The following TTN variants were observed in gnomAD, a reference collection of about 807,000 sequenced individuals.
TTN encodes the protein connectin.
A neutral mutation model predicts 3,223.0 loss-of-function variants in TTN; 1,525 were observed. That is an observed-to-expected ratio of 0.47 (90% CI 0.45 to 0.49). The LOEUF (loss-of-function observed/expected upper bound fraction) is 0.49, where lower values mean the gene tolerates loss of function less well. Ranked by LOEUF, TTN falls within the 20% of genes least tolerant of loss-of-function variation. The probability of loss-of-function intolerance (pLI) is 0.00; values close to 1 mark genes in which losing one functional copy is unlikely to be tolerated. For missense variants in TTN, 40,786 were observed against 43,424.0 expected (o/e 0.94, Z 5.40); for synonymous variants, 14,094 against 15,161.0 (o/e 0.93, Z 5.17).
intron 240 of TTN, among the ~76,000 whole-genome samples, chr2:178,627,404 A>G (rs906823942): frequency 1.3e-5 from 2 of 152,030 alleles, no homozygotes; most frequent in African/African-American, 4.8e-5. Context: ...TGACAAGAGC[A>G]AGTTTGTTCT....
Position 178,531,186 on chromosome 2 carries a change from G to A in TTN, c.105429C>T (p.Gly35143=), listed in dbSNP as rs368591364. ...TKPRSMTVYE[G]ESARFSCDTD... ...TGTCACAAGAAAACCTTGCAGACTC[G>A]CCCTCGTAGACGGTCATGGACCGTG... is the stretch of plus-strand genomic sequence containing the variant. The change falls in exon 358 of 363, where the codon GGC becomes GGT. Residue 35143 remains glycine, a synonymous_variant. Coordinates refer to ENST00000589042, the MANE Select transcript of TTN (RefSeq NM_001267550.2). 15 of 1,613,804 alleles carry A rather than the reference G, an allele frequency of 9.3e-6. No homozygotes were observed. Among genetic ancestry groups the A allele is most frequent in the Admixed American group, 8.3e-5 (5 of 59,990 alleles).
rs772058084 is a variant in TTN at position 178,559,881 on chromosome 2, C to A, written c.86251G>T (p.Glu28751Ter). Residue 28751 changes from glutamate (E) to a stop codon, truncating the protein, a stop_gained, in exon 326 of 363, where the codon GAA becomes TAA. Transcript: ENST00000589042. LOFTEE classifies it high-confidence loss of function. Reference sequence around the variant, plus strand: ...TCACTGTCAATATCAAATAAAGGTTCTTCTTCTCTTTCCTTTGCTATCTGA... The same window carrying A: ...TCACTGTCAATATCAAATAAAGGTTATTCTTCTCTTTCCTTTGCTATCTGA... Reference protein sequence around the residue: ...DPQIAKEREEEPLFDIDSEMR... With the variant: ...DPQIAKEREE The A allele has an allele frequency of 6.2e-7, 1 of 1,612,822 alleles. No homozygotes were observed. The highest frequency in any genetic ancestry group is 1.7e-4 in the Middle Eastern group (1 of 6,056).
At chr2:178,757,416 A>C in intron 45 of TTN, 126 bp downstream of exon 45, 3 of 1,216,692 alleles carry the variant, frequency 2.5e-6, no homozygotes, top group Non-Finnish European at 3.2e-6. Flanking sequence ...ATTGCATGTT[A>C]TTTTATTAGT....
At position 178,609,250 on chromosome 2, in the gene TTN, C is replaced by A; in HGVS notation, c.52060G>T (p.Asp17354Tyr). The change falls in exon 273 of 363, where the codon GAC becomes TAC. Residue 17354 changes from aspartate to tyrosine, a missense_variant. Transcript: ENST00000589042. ...CAAGGAGCTTTTGCAATACCGTGGT[C>A]ATTTTCAACTTTGATCATATACAGA... Reference protein sequence around the residue: ...HGLYMIKVENDHGIAKAPCTV... With the variant: ...HGLYMIKVENYHGIAKAPCTV... 6.5e-7 allele frequency: 1 copy of A among 1,534,450 alleles called. No homozygotes were observed. Among genetic ancestry groups the A allele is most frequent in the South Asian group, 1.3e-5 (1 of 75,156 alleles).
rs1396694565 is a variant in TTN, at chr2:178,795,055, C to G, written c.1112G>C (p.Arg371Thr). Residue 371 changes from arginine to threonine, a missense_variant, in exon 7 of 363, where the codon AGG becomes ACG. Arg to Thr is a moderately conservative substitution (Grantham distance 71). Coordinates refer to ENST00000589042, the MANE Select transcript of TTN (RefSeq NM_001267550.2). Reference sequence around the variant, plus strand: ...TCTCCCTTCCCATCTCTCTTCTGTCCTGATCTGAGTAGAGGTTGTCAGCGT... The same window carrying G: ...TCTCCCTTCCCATCTCTCTTCTGTCGTGATCTGAGTAGAGGTTGTCAGCGT... ...ETTLTTSTQI[R>T]TEERWEGRYG... is the part of the protein sequence containing the mutation. 6.2e-7 allele frequency: 1 copy of G among 1,613,782 alleles called. No individual in the cohort carries two copies.
In TTN at chr2:178,721,511, G is replaced by A. The variant is rs151337969; in HGVS notation, c.22817-309C>T. Among the ~76,000 whole-genome samples the A allele has an allele frequency of 2.0e-5, 3 of 151,858 alleles. No individual in the cohort carries two copies. In the East Asian group the frequency reaches 5.8e-4, roughly 29 times the overall value. ...TGTAAGTTAAAACATAAAAGTTAAT[G>A]TATTATAGATGTATTTGATCAACAT... On this transcript the variant is annotated intron_variant, in intron 78 of 362. Coordinates refer to ENST00000589042, the MANE Select transcript of TTN (RefSeq NM_001267550.2).
rs192528655 is a variant in TTN, at chr2:178,652,905, G to A, written c.38902C>T (p.Pro12968Ser). 1,367 of 1,609,202 alleles carry A rather than the reference G, an allele frequency of 8.5e-4. 10 individuals are homozygous for A. Among genetic ancestry groups the A allele is most frequent in the South Asian group, 4.1e-3 (374 of 90,424 alleles). ...GGAGCCAAGGGCATTTTCTTTTCAG[G>A]AACAACCTCTATGGGAGCCTCTGGC... ...KVPEAPIEVV[P>S]EKKMPLAPPK... The change falls in exon 200 of 363, where the codon CCT (proline) becomes TCT (serine). Residue 12968 changes from proline to serine, a missense_variant. Pro to Ser is a moderately conservative substitution (Grantham distance 74). Coordinates refer to ENST00000589042, the MANE Select transcript of TTN (RefSeq NM_001267550.2).
rs1393067684 is a variant in TTN, at chr2:178,775,776, G to C, written c.6088C>G (p.Leu2030Val). The C allele has an allele frequency of 6.2e-7, 1 of 1,613,676 alleles. No homozygotes were observed. Among genetic ancestry groups the C allele is most frequent in the African/African-American group, 1.3e-5 (1 of 74,938 alleles). Residue 2030 changes from leucine to valine, a missense_variant, in exon 28 of 363, where the codon CTC becomes GTC. Leu to Val is a conservative substitution (Grantham distance 32, BLOSUM62 1). Coordinates refer to ENST00000589042, the MANE Select transcript of TTN (RefSeq NM_001267550.2). ...SRKKDESYEE[L>V]LRKTKDELLH... ...AGTTCATCTTTTGTCTTCCTGAGGA[G>C]TTCCTCATAGGATTCATCCTTCTTT...
At chr2:178,789,576 T>C (rs2093379311) in intron 12 of TTN, 79 bp from the exon 13 acceptor site, 2 of 1,555,524 alleles carry the variant, frequency 1.3e-6, no homozygotes, top group South Asian at 2.2e-5. Flanking sequence ...CCCTTCCTCA[T>C]GGGGATGCAA....
At chr2:178,619,136 ATGTTT>A (rs201614626) in intron 250 of TTN, 6 of 452,616 alleles carry the variant, frequency 1.3e-5, no homozygotes, top group East Asian at 1.3e-4. Context: ...AGTGCAAAAC[ATGTTT>A]TGTTTTGTTT....
Position 178,680,071 on chromosome 2 carries a change from C to G in TTN, c.33419-16G>C. ...ACTTCTGGCACTTTAAAGATATTAT[C>G]TTTAAGTTGGACATTTGCCAATGAC... On this transcript the variant is annotated splice_polypyrimidine_tract_variant and intron_variant, in intron 139 of 362. Transcript: ENST00000589042. 1 of 1,609,854 alleles carries G rather than the reference C, an allele frequency of 6.2e-7. No homozygotes were observed. The highest frequency in any genetic ancestry group is 8.5e-7 in the Non-Finnish European group (1 of 1,178,706).
At position 178,579,135 on chromosome 2, in the gene TTN, T is replaced by C; in HGVS notation, c.67895A>G (p.Lys22632Arg). The stretch of plus-strand genomic sequence containing the variant: ...AACCTTTATGGAGATAGTTCCTTCC[T>C]TGGTGCCAGCAACATTCTTAAGTGT... ...TITLKNVAGT[K>R]EGTISIKVVG... Residue 22632 changes from lysine to arginine, a missense_variant, in exon 320 of 363, where the codon AAG becomes AGG. Physicochemically the swap from Lys to Arg is conservative, Grantham distance 26. Coordinates refer to ENST00000589042, the MANE Select transcript of TTN (RefSeq NM_001267550.2). 1 of 1,613,436 alleles carries C rather than the reference T, an allele frequency of 6.2e-7. No individual in the cohort carries two copies. Among genetic ancestry groups the C allele is most frequent in the Non-Finnish European group, 8.5e-7 (1 of 1,179,552 alleles).
Position 178,608,624 on chromosome 2 carries a change from C to T in TTN, c.52387G>A (p.Val17463Met). 1 of 1,610,958 alleles carries T rather than the reference C, an allele frequency of 6.2e-7. No individual in the cohort carries two copies. Among genetic ancestry groups the T allele is most frequent in the Non-Finnish European group, 8.5e-7 (1 of 1,178,632 alleles). Reference protein sequence around the residue: ...PGPPCVSKPLVAKDPFGPPDA... With the variant: ...PGPPCVSKPLMAKDPFGPPDA... Reference sequence around the variant, plus strand: ...AACTTACCAAATGGATCTTTAGCCACAAGTGGCTTTGAAACACATGGTGGA... The same window carrying T: ...AACTTACCAAATGGATCTTTAGCCATAAGTGGCTTTGAAACACATGGTGGA... The change falls in exon 274 of 363, where the codon GTG (valine) becomes ATG (methionine). Residue 17463 changes from valine (V) to methionine (M), a missense_variant. Physicochemically the swap from Val to Met is conservative, Grantham distance 21 (BLOSUM62 1). Coordinates refer to ENST00000589042, the MANE Select transcript of TTN (RefSeq NM_001267550.2).
At position 178,751,285 on chromosome 2, in the gene TTN, T is replaced by C. The variant is rs1371902748; in HGVS notation, c.11311+1839A>G. ...CCATTAATGTTTTTCTAGCCTCCCTTAAACGTTGCAACTTCACTTTGGTCT... is the reference window on the plus strand; with the variant it reads ...CCATTAATGTTTTTCTAGCCTCCCTCAAACGTTGCAACTTCACTTTGGTCT... On this transcript the variant is annotated intron_variant, in intron 47 of 362. Transcript: ENST00000589042. 1.9e-6 allele frequency: 3 copies of C among 1,611,384 alleles called. No homozygotes were observed. The highest frequency in any genetic ancestry group is 2.2e-5 in the East Asian group (1 of 44,806).
chr2:178,737,956 T>C lies in TTN; in HGVS notation c.14371+126A>G, dbSNP rs11900655. 229 of 1,212,546 alleles carry C rather than the reference T, an allele frequency of 1.9e-4. 4 individuals carry two copies. In the African/African-American group the frequency reaches 2.5e-3, roughly 13 times the overall value. 75.1% of individuals were successfully genotyped at this position (1,212,546 alleles called of 1,614,324 possible). On this transcript the variant is annotated intron_variant, in intron 49 of 362. Transcript: ENST00000589042. ...TAGGCTCTGCAGTACCTACCTACCATGTTACTGTCTTGGTTGTTGGTCTCT... is the reference window on the plus strand; with the variant it reads ...TAGGCTCTGCAGTACCTACCTACCACGTTACTGTCTTGGTTGTTGGTCTCT...
chr2:178,582,312 A>C lies in TTN; in HGVS notation c.66144T>G (p.Ile22048Met), dbSNP rs980906933. Residue 22048 changes from isoleucine (I) to methionine (M), a missense_variant, in exon 314 of 363, where the codon ATT becomes ATG. Coordinates refer to ENST00000589042, the MANE Select transcript of TTN (RefSeq NM_001267550.2). The stretch of plus-strand genomic sequence containing the variant: ...TGTTCCTACCATATGGGTTTTTGGC[A>C]ATTGCTGGTTCAGTGAAGACTGGAT... ...VGDPVFTEPA[I>M]AKNPYDPPGR... 4 of 1,585,600 alleles carry C rather than the reference A, an allele frequency of 2.5e-6. No individual in the cohort carries two copies. Among genetic ancestry groups the C allele is most frequent in the Middle Eastern group, 1.7e-4 (1 of 5,928 alleles).
At chr2:178,694,941 G>T in intron 115 of TTN, 35 bp from the exon 116 acceptor site, 2 of 1,437,858 alleles carry the variant, frequency 1.4e-6, no homozygotes, top group South Asian at 1.3e-5. Flanking sequence ...AGTACTTTTA[G>T]AATTCCTATT....
At chr2:178,702,807 A>C in intron 106 of TTN, 144 bp from the exon 107 acceptor site, 1 of 761,384 alleles carries the variant, frequency 1.3e-6, no homozygotes, top group East Asian at 2.7e-5. Flanking sequence ...AAATGAGAAG[A>C]AATGCACTCT....
rs1393832431 is a variant in TTN, at chr2:178,541,569, G to A, written c.97508C>T (p.Pro32503Leu). ...AACATCAAATATCTGTAATGTTTCT[G>A]GGGGTCCAGGAATACCTGCAGCAAG... Reference protein sequence around the residue: ...CRSSIRIPGPPETLQIFDVSR... With the variant: ...CRSSIRIPGPLETLQIFDVSR... Residue 32503 changes from proline to leucine, a missense_variant, in exon 350 of 363, where the codon CCA becomes CTA. Physicochemically the swap from Pro to Leu is moderately conservative, Grantham distance 98. Coordinates refer to ENST00000589042, the MANE Select transcript of TTN (RefSeq NM_001267550.2). 1 of 1,608,146 alleles carries A rather than the reference G, an allele frequency of 6.2e-7. No individual in the cohort carries two copies. The highest frequency in any genetic ancestry group is 8.5e-7 in the Non-Finnish European group (1 of 1,176,442).
Sources: allele counts gnomAD v4.1 joint callset (sites outside exome capture counted in the v4.1 genomes callset), GRCh38; gene constraint gnomAD v4.1.1; transcripts MANE v1.5; gene names NCBI Gene and HGNC (gene_info 2026-07-23, HGNC 2026-07-21).